The following NDRG2 variants were observed in gnomAD, a reference collection of about 807,000 sequenced individuals.
The protein encoded by NDRG2 is protein NDRG2.
NDRG2 carries 34 observed loss-of-function variants against 58.2 expected under a neutral mutation model. That is an observed-to-expected ratio of 0.58 (90% CI 0.44 to 0.78). The LOEUF is 0.78. Ranked by LOEUF, NDRG2 falls within the 30% of genes least tolerant of loss-of-function variation. The pLI is 0.00. For synonymous variants in NDRG2, 187 were observed against 175.9 expected (o/e 1.06, Z -0.50); for missense variants, 434 against 471.2 (o/e 0.92, Z 0.73).
In NDRG2 at chr14:21,070,448, C is replaced by G. The variant is rs1886635457; in HGVS notation, c.24+380G>C. The stretch of plus-strand genomic sequence containing the variant: ...TGGGTCCCCTCGGCCTTCGCGCAGC[C>G]CGCTCCGGGCCCCCAAGTCCTCAGC... On this transcript the variant is annotated intron_variant, in intron 1 of 14. Coordinates refer to the NDRG2 transcript ENST00000403829. This position sits in a 1 kb window ranked among gnomAD's most constrained non-coding sequence, Gnocchi z 4.7. 6 of 1,360,654 alleles carry G rather than the reference C, an allele frequency of 4.4e-6. No homozygotes were observed. Among genetic ancestry groups the G allele is most frequent in the Non-Finnish European group, 5.6e-6 (6 of 1,063,370 alleles). The allele number at this position is 1,360,654 out of a possible 1,614,324, so 84.3% of individuals were successfully genotyped here.
At chr14:21,060,832 G>A (rs529272039) in intron 1 of NDRG2, among the ~76,000 whole-genome samples, 8 of 152,244 alleles carry the variant, frequency 5.3e-5, no homozygotes, top group Admixed American at 1.3e-4. Context: ...GTGTCAACTC[G>A]TGCTTGTTTG....
chr14:21,020,943 G>A (rs750001844), intron 6 of NDRG2, 99 bp from the exon 7 acceptor site: 35 of 1,332,148 alleles, frequency 2.6e-5, no homozygotes, highest in African/African-American at 5.8e-5. Flanking sequence ...CTGAGTCCAC[G>A]GGCACAAAGA....
At chr14:21,042,068 C>T (rs995631553) in intron 1 of NDRG2, among the ~76,000 whole-genome samples, 12 of 152,182 alleles carry the variant, frequency 7.9e-5, no homozygotes, top group African/African-American at 2.9e-4. Flanking sequence ...GACAACTCTT[C>T]CTGAAATTGA....
chr14:21,032,622 A>C, intron 1 of NDRG2: 1 of 342,670 alleles, frequency 2.9e-6, no homozygotes, highest in Non-Finnish European at 5.7e-6. Flanking sequence ...GTAAGGGGAG[A>C]GTCTATTTTC....
chr14:21,034,171 G>A (rs758575604), intron 1 of NDRG2: 1 of 1,614,060 alleles, frequency 6.2e-7, no homozygotes, highest in Non-Finnish European at 8.5e-7. Context: ...TTAACCCTGG[G>A]ATAGTCAATG....
Position 21,025,036 on chromosome 14 carries a change from C to G in NDRG2, c.-1013G>C, listed in dbSNP as rs1425444140. The G allele has an allele frequency of 1.0e-6, 1 of 986,066 alleles. No individual in the cohort carries two copies. Among genetic ancestry groups the G allele is most frequent in the Non-Finnish European group, 1.2e-6 (1 of 830,462 alleles). The allele number at this position is 986,066 out of a possible 1,614,324, so 61.1% of individuals were successfully genotyped here. A position where few individuals can be genotyped will look rare whatever the true frequency, so the allele number is the denominator to read the frequency against. ...GCCTGCCCCTCCCCCTACCTGCTGC[C>G]GCCGCGGCCGCTTCCACCTTCACTT... On this transcript the variant is annotated 5_prime_UTR_variant, in exon 1 of 16. Transcript: ENST00000556147. The surrounding 1 kb of genome is among the most constrained non-coding windows in gnomAD (Gnocchi z 5.1).
At chr14:21,041,168 A>T (rs1884878701) in intron 1 of NDRG2, among the ~76,000 whole-genome samples, 2 of 151,830 alleles carry the variant, frequency 1.3e-5, no homozygotes, top group South Asian at 2.1e-4. Context: ...TAATTTTTCA[A>T]ATTTTTTATA....
intron 1 of NDRG2, among the ~76,000 whole-genome samples, chr14:21,035,121 C>A (rs1211876794): frequency 6.6e-6 from 1 of 152,198 alleles, no homozygotes. Context: ...TACTCAGGGG[C>A]CTCCCACCAA....
chr14:21,053,070 G>A (rs1393490254), intron 1 of NDRG2, among the ~76,000 whole-genome samples: 1 of 152,172 alleles, frequency 6.6e-6, no homozygotes, highest in East Asian at 1.9e-4. Context: ...GCCTTACAAG[G>A]GGATAATCAG....
At chr14:21,017,865 C>T (rs1372027465) in intron 15 of NDRG2, 103 bp from the exon 16 acceptor site, 9 of 1,601,064 alleles carry the variant, frequency 5.6e-6, no homozygotes, top group Non-Finnish European at 6.8e-6. Flanking sequence ...TATAACTAAG[C>T]CAGGGGATCA....
chr14:21,050,810 G>A (rs531747345), intron 1 of NDRG2, among the ~76,000 whole-genome samples: 1 of 152,316 alleles, frequency 6.6e-6, no homozygotes, highest in African/African-American at 2.4e-5. Flanking sequence ...AGTCACTGAA[G>A]TATTAAGGGG....
At chr14:21,051,243 T>C (rs966572933) in intron 1 of NDRG2, among the ~76,000 whole-genome samples, 1 of 152,154 alleles carries the variant, frequency 6.6e-6, no homozygotes, top group Non-Finnish European at 1.5e-5. Context: ...GATAGGGTAG[T>C]CATGGGGCTA....
intron 1 of NDRG2, among the ~76,000 whole-genome samples, chr14:21,045,059 A>G (rs1885084435): frequency 6.6e-6 from 1 of 152,228 alleles, no homozygotes; most frequent in Non-Finnish European, 1.5e-5. Flanking sequence ...TGTCAGCCCC[A>G]AGTACTGACA....
At chr14:21,064,345 A>G (rs2139166272) in intron 1 of NDRG2, among the ~76,000 whole-genome samples, 1 of 151,952 alleles carries the variant, frequency 6.6e-6, no homozygotes, top group East Asian at 1.9e-4. Context: ...TCTGTTGCCC[A>G]GGCTGCAGTG....
chr14:21,017,518 C>T lies in NDRG2; in HGVS notation c.*78G>A. ...CCTTTTTCCCTTGCTTACGGTGGCC[C>T]AATGCCCCTTCAGCACCTCCCAGGT... On this transcript the variant is annotated 3_prime_UTR_variant, in exon 16 of 16. Coordinates refer to ENST00000556147, the MANE Select transcript of NDRG2 (RefSeq NM_001320329.2). The T allele has an allele frequency of 6.7e-7, 1 of 1,490,120 alleles. No homozygotes were observed. The highest frequency in any genetic ancestry group is 9.1e-7 in the Non-Finnish European group (1 of 1,104,262). 92.3% of individuals were successfully genotyped at this position (1,490,120 alleles called of 1,614,324 possible).
intron 1 of NDRG2, among the ~76,000 whole-genome samples, chr14:21,066,713 A>T (rs2139172558): frequency 6.6e-6 from 1 of 152,368 alleles, no homozygotes; most frequent in Admixed American, 6.5e-5. Context: ...GAACAGGCAG[A>T]CAAGTGGGGA....
intron 1 of NDRG2, among the ~76,000 whole-genome samples, chr14:21,036,988 C>T (rs369919114): frequency 6.6e-6 from 1 of 152,220 alleles, no homozygotes; most frequent in East Asian, 1.9e-4. Flanking sequence ...CATTGTGGTC[C>T]CTGCCTTGAA....
Position 21,024,891 on chromosome 14 carries a change from G to T in NDRG2, c.-868C>A. On this transcript the variant is annotated 5_prime_UTR_variant, in exon 1 of 16. Coordinates refer to ENST00000556147, the MANE Select transcript of NDRG2 (RefSeq NM_001320329.2). ...GCTCTTGGAGCCTCAGCCTTTGTGC[G>T]CAGCAACCGAGCGCCCGCTCCGTGC... is the stretch of plus-strand genomic sequence containing the variant. 1 of 985,580 alleles carries T rather than the reference G, an allele frequency of 1.0e-6. No individual in the cohort carries two copies. The highest frequency in any genetic ancestry group is 1.2e-6 in the Non-Finnish European group (1 of 830,036). 61.1% of individuals were successfully genotyped at this position (985,580 alleles called of 1,614,324 possible).
chr14:21,064,751 A>G (rs1886168998), intron 1 of NDRG2, among the ~76,000 whole-genome samples: 2 of 152,272 alleles, frequency 1.3e-5, no homozygotes, highest in African/African-American at 2.4e-5. Context: ...GGGTTTGTAC[A>G]TCAACAAAGT....
Sources: allele counts gnomAD v4.1 joint callset (sites outside exome capture counted in the v4.1 genomes callset), GRCh38; gene constraint gnomAD v4.1.1; non-coding constraint Gnocchi (gnomAD v3.1); transcripts MANE v1.5; gene names NCBI Gene and HGNC (gene_info 2026-07-23, HGNC 2026-07-21).